Variants in TRAPPC9 observed in about 807,000 individuals in gnomAD.
The protein encoded by TRAPPC9 is IKK2 binding protein.
Under a neutral mutation model 124.0 loss-of-function variants are expected in TRAPPC9, and 83 were observed. The observed-to-expected ratio is 0.67, with a 90% CI of 0.56 to 0.80. The LOEUF (loss-of-function observed/expected upper bound fraction) is 0.80, where lower values mean the gene tolerates loss of function less well. Ranked by LOEUF, TRAPPC9 falls within the 30% of genes least tolerant of loss-of-function variation. TRAPPC9 has a pLI of 0.00. For missense variants in TRAPPC9, 1,302 were observed against 1,508.3 expected, an observed-to-expected ratio of 0.86 and a Z score of 2.27; for synonymous variants, 638 against 617.5, an observed-to-expected ratio of 1.03 and a Z score of -0.49.
intron 19 of TRAPPC9, among the ~76,000 whole-genome samples, chr8:139,981,739 C>T (rs933390359): frequency 2.0e-5 from 3 of 152,232 alleles, no homozygotes; most frequent in Non-Finnish European, 4.4e-5. Context: ...TTTCTCAAAG[C>T]ATCCTCGAGG....
At chr8:139,972,777 C>T (rs1836187203) in intron 19 of TRAPPC9, among the ~76,000 whole-genome samples, 1 of 152,224 alleles carries the variant, frequency 6.6e-6, no homozygotes, top group Non-Finnish European at 1.5e-5. Flanking sequence ...AAAGAACTTC[C>T]CTAAAACATG....
At chr8:139,948,119 C>T (rs1193710686) in intron 19 of TRAPPC9, among the ~76,000 whole-genome samples, 1 of 151,492 alleles carries the variant, frequency 6.6e-6, no homozygotes, top group Non-Finnish European at 1.5e-5. Flanking sequence ...TCACAGGGTC[C>T]TTGAGTATTA....
intron 5 of TRAPPC9, among the ~76,000 whole-genome samples, chr8:140,426,382 G>A (rs1027113427): frequency 6.6e-6 from 1 of 152,186 alleles, no homozygotes; most frequent in Non-Finnish European, 1.5e-5. Context: ...CATTCACTTA[G>A]CCATGCTAGA....
intron 17 of TRAPPC9, among the ~76,000 whole-genome samples, chr8:140,042,751 G>T (rs1587572700): frequency 6.6e-6 from 1 of 152,240 alleles, no homozygotes. Context: ...GGCTGCTCCT[G>T]AGTCAATTTC....
chr8:140,364,632 G>A (rs2068056096), intron 8 of TRAPPC9, among the ~76,000 whole-genome samples: 1 of 152,034 alleles, frequency 6.6e-6, no homozygotes, highest in Non-Finnish European at 1.5e-5. Context: ...CCAGGCTCGA[G>A]TGCAGTGGTG....
At chr8:139,827,940 G>A (rs1017223412) in intron 21 of TRAPPC9, among the ~76,000 whole-genome samples, 2 of 152,146 alleles carry the variant, frequency 1.3e-5, no homozygotes, top group African/African-American at 2.4e-5. Context: ...GGCAGGGAGA[G>A]GTGCCACGCT....
chr8:139,760,365 C>A (rs74336894), intron 21 of TRAPPC9, among the ~76,000 whole-genome samples: 7,381 of 152,170 alleles, frequency 0.049, 227 homozygotes, highest in South Asian at 0.12. Context: ...GGCCAAGATG[C>A]GCTCTGCTTG....
chr8:140,018,324 A>ATTTTTTTTTTT (rs1554608008), intron 18 of TRAPPC9, among the ~76,000 whole-genome samples: 1 of 119,778 alleles, frequency 8.3e-6, no homozygotes, highest in Non-Finnish European at 1.7e-5. Flanking sequence ...AACGTAAGTG[A>ATTTTTTTTTTT]TTTTTTTTTT....
chr8:139,839,864 A>G (rs965202393), intron 21 of TRAPPC9, among the ~76,000 whole-genome samples: 1 of 152,186 alleles, frequency 6.6e-6, no homozygotes, highest in African/African-American at 2.4e-5. Context: ...AGCGACACAA[A>G]CAAATGGCCT....
Position 140,182,161 on chromosome 8 carries a change from T to C in TRAPPC9, c.2556+39298A>G, listed in dbSNP as rs2062220013. ...TTAGTTTCTGTTAATCACTCAGATT[T>C]TGAATTTCCTCTTTGCTTCAGGTAC... On this transcript the variant is annotated intron_variant, in intron 17 of 22. Transcript: ENST00000438773. The surrounding 1 kb of genome is among the most constrained non-coding windows in gnomAD (Gnocchi z 4.0). Among the ~76,000 whole-genome samples the C allele has an allele frequency of 6.6e-6, 1 of 152,202 alleles. No homozygotes were observed. The highest frequency in any genetic ancestry group is 2.4e-5 in the African/African-American group (1 of 41,460).
At chr8:139,763,942 G>A (rs1202344623) in intron 21 of TRAPPC9, among the ~76,000 whole-genome samples, 1 of 152,218 alleles carries the variant, frequency 6.6e-6, no homozygotes, top group African/African-American at 2.4e-5. Context: ...GACTCGGGAG[G>A]TTAGCAGTAT....
intron 5 of TRAPPC9, among the ~76,000 whole-genome samples, chr8:140,410,012 C>T (rs1215918570): frequency 1.3e-5 from 2 of 152,084 alleles, no homozygotes; most frequent in South Asian, 2.1e-4. Flanking sequence ...TGGTGGCACA[C>T]GCCTGTGATT....
At chr8:140,169,888 C>T (rs1207516957) in intron 17 of TRAPPC9, among the ~76,000 whole-genome samples, 1 of 152,018 alleles carries the variant, frequency 6.6e-6, no homozygotes, top group African/African-American at 2.4e-5. Context: ...CAGGTGTGCA[C>T]CGCCATGCTC....
chr8:139,921,210 A>C (rs539561579), intron 19 of TRAPPC9, among the ~76,000 whole-genome samples: 87 of 152,312 alleles, frequency 5.7e-4, no homozygotes, highest in Non-Finnish European at 5.3e-4. Flanking sequence ...TCCTCCCGCT[A>C]ATGTGTGAGG....
chr8:139,880,602 G>C (rs917612078), intron 21 of TRAPPC9, among the ~76,000 whole-genome samples: 1 of 152,158 alleles, frequency 6.6e-6, no homozygotes, highest in Non-Finnish European at 1.5e-5. Context: ...AGTTCCAACA[G>C]TGCCCACGTC....
intron 21 of TRAPPC9, among the ~76,000 whole-genome samples, chr8:139,734,811 C>A (rs576303705): frequency 6.6e-6 from 1 of 152,252 alleles, no homozygotes; most frequent in Non-Finnish European, 1.5e-5. Context: ...CACTATAGGG[C>A]CCAGGGAAGT....
At chr8:140,281,262 C>T (rs372797122) in intron 14 of TRAPPC9, among the ~76,000 whole-genome samples, 28 of 152,348 alleles carry the variant, frequency 1.8e-4, no homozygotes, top group South Asian at 6.2e-4. Context: ...CGGCCTCGCA[C>T]GAGGCGTCCA....
intron 17 of TRAPPC9, among the ~76,000 whole-genome samples, chr8:140,140,449 T>C (rs1253441457): frequency 6.6e-6 from 1 of 152,140 alleles, no homozygotes; most frequent in East Asian, 1.9e-4. Context: ...TGTTTTGGCC[T>C]GGATATTTAA....
intron 17 of TRAPPC9, among the ~76,000 whole-genome samples, chr8:140,106,190 A>G (rs1051494631): frequency 1.3e-5 from 2 of 152,156 alleles, no homozygotes; most frequent in Non-Finnish European, 2.9e-5. Context: ...TTCCTCATTC[A>G]GCACCTGAAC....
Sources: allele counts gnomAD v4.1 joint callset (sites outside exome capture counted in the v4.1 genomes callset), GRCh38; gene constraint gnomAD v4.1.1; non-coding constraint Gnocchi (gnomAD v3.1); transcripts MANE v1.5; gene names NCBI Gene and HGNC (gene_info 2026-07-23, HGNC 2026-07-21).